Variants in MAP2K5 observed in about 807,000 individuals in gnomAD.
MAP2K5 encodes the protein dual specificity mitogen-activated protein kinase kinase 5.
In MAP2K5, 49 loss-of-function variants were observed where a neutral mutation model predicts 83.1. The observed-to-expected ratio is 0.59, with a 90% CI of 0.47 to 0.75. The LOEUF is 0.75. Among genes scored for constraint, MAP2K5 ranks in the 30% least tolerant of loss-of-function variants. The pLI, the probability that MAP2K5 is intolerant of heterozygous loss-of-function variation, is 0.00. For missense variants in MAP2K5, 457 were observed against 557.5 expected, an observed-to-expected ratio of 0.82 and a Z score of 1.82; for synonymous variants, 202 against 191.8, an observed-to-expected ratio of 1.05 and a Z score of -0.44.
intron 4 of MAP2K5, among the ~76,000 whole-genome samples, chr15:67,582,378 TAATGTTTGC>T (rs2085197813): frequency 6.6e-6 from 1 of 152,182 alleles, no homozygotes. Flanking sequence ...GATTATTTCT[TAATGTTTGC>T]AGTGACTGGA....
Position 67,769,738 on chromosome 15 carries a change from C to T in MAP2K5, c.1196+75C>T. ...CATTAACTCGGCAGCTCCGTGAGAC[C>T]TTATGGCTCTCCCTGCATCCTTTTG... On this transcript the variant is annotated intron_variant, in intron 20 of 21. Transcript: ENST00000178640. The surrounding 1 kb of genome is among the most constrained non-coding windows in gnomAD (Gnocchi z 5.2). 9 of 1,434,984 alleles carry T rather than the reference C, an allele frequency of 6.3e-6. No homozygotes were observed. The highest frequency in any genetic ancestry group is 8.8e-6 in the Non-Finnish European group (9 of 1,022,466). The allele number at this position is 1,434,984 out of a possible 1,614,324, so 88.9% of individuals were successfully genotyped here.
At chr15:67,699,424 T>G (rs1231868440) in intron 15 of MAP2K5, among the ~76,000 whole-genome samples, 1 of 152,056 alleles carries the variant, frequency 6.6e-6, no homozygotes, top group African/African-American at 2.4e-5. Flanking sequence ...CTGCTCCTCT[T>G]CCCCCAGTCC....
At chr15:67,546,797 G>A (rs1283779221) in intron 1 of MAP2K5, among the ~76,000 whole-genome samples, 2 of 152,132 alleles carry the variant, frequency 1.3e-5, no homozygotes, top group African/African-American at 4.8e-5. Context: ...AGGAGTGGTG[G>A]CTTAGGCCTG....
At chr15:67,580,522 A>C (rs1280349841) in intron 3 of MAP2K5, among the ~76,000 whole-genome samples, 1 of 141,896 alleles carries the variant, frequency 7.0e-6, no homozygotes, top group East Asian at 2.6e-4. Context: ...TAAAGTCTTA[A>C]TCAACACTTT....
At chr15:67,622,524 A>G (rs1049209270) in intron 8 of MAP2K5, among the ~76,000 whole-genome samples, 4 of 151,870 alleles carry the variant, frequency 2.6e-5, no homozygotes, top group African/African-American at 4.9e-5. Context: ...AATTAAATGC[A>G]TGTGGATTTT....
intron 19 of MAP2K5, among the ~76,000 whole-genome samples, chr15:67,753,207 A>G (rs2089761515): frequency 6.6e-6 from 1 of 152,254 alleles, no homozygotes; most frequent in African/African-American, 2.4e-5. Context: ...AAAATGGATC[A>G]AAGACTTAAA....
At chr15:67,707,833 T>TA (rs1480817306) in intron 16 of MAP2K5, among the ~76,000 whole-genome samples, 11 of 152,210 alleles carry the variant, frequency 7.2e-5, no homozygotes, top group African/African-American at 2.4e-4. Context: ...TGTAAACACT[T>TA]AAGGAGAGAT....
intron 21 of MAP2K5, among the ~76,000 whole-genome samples, chr15:67,804,937 C>T (rs2090773109): frequency 6.6e-6 from 1 of 152,172 alleles, no homozygotes; most frequent in South Asian, 2.1e-4. Flanking sequence ...CCTTCCTGGG[C>T]CTCTCCTGCT....
At position 67,768,733 on chromosome 15, in the gene MAP2K5, T is replaced by A. The variant is rs2090089082; in HGVS notation, c.1135-869T>A. 6.6e-6 allele frequency among the ~76,000 whole-genome samples: 1 copy of A among 152,236 alleles called. No individual in the cohort carries two copies. The highest frequency in any genetic ancestry group is 1.5e-5 in the Non-Finnish European group (1 of 68,036). ...TTATGTGGCTCTCTTGTTCCAACTG[T>A]AGGTCTAATGAGATGACTGTTAAAG... On this transcript the variant is annotated intron_variant, in intron 19 of 21. Transcript: ENST00000178640. This position sits in a 1 kb window ranked among gnomAD's most constrained non-coding sequence, Gnocchi z 4.0.
chr15:67,643,445 C>T (rs2141113476), intron 9 of MAP2K5, among the ~76,000 whole-genome samples: 1 of 151,712 alleles, frequency 6.6e-6, no homozygotes, highest in Non-Finnish European at 1.5e-5. Context: ...AACCCCAAAG[C>T]AAACTCTTTT....
At chr15:67,672,866 A>G (rs2087579887) in intron 13 of MAP2K5, among the ~76,000 whole-genome samples, 2 of 151,774 alleles carry the variant, frequency 1.3e-5, no homozygotes, top group Non-Finnish European at 1.5e-5. Context: ...ATCCAGTTTC[A>G]GTTTTCTACA....
At chr15:67,728,466 G>T (rs2089151093) in intron 17 of MAP2K5, among the ~76,000 whole-genome samples, 4 of 152,184 alleles carry the variant, frequency 2.6e-5, no homozygotes, top group Admixed American at 2.6e-4. Flanking sequence ...GTCCATTATA[G>T]TAGCATTGCT....
chr15:67,584,710 G>T (rs1453248299), intron 4 of MAP2K5, among the ~76,000 whole-genome samples: 1 of 116,006 alleles, frequency 8.6e-6, no homozygotes, highest in Non-Finnish European at 1.6e-5. Flanking sequence ...ACAGAGTCTC[G>T]CTCTGTCGCC....
chr15:67,624,288 G>A (rs1018673722), intron 8 of MAP2K5, among the ~76,000 whole-genome samples: 2 of 143,084 alleles, frequency 1.4e-5, no homozygotes, highest in African/African-American at 5.2e-5. Flanking sequence ...GCAGTGAGCC[G>A]AGATCGCGCT....
intron 8 of MAP2K5, among the ~76,000 whole-genome samples, chr15:67,622,427 A>G (rs1177693013): frequency 6.6e-6 from 1 of 152,198 alleles, no homozygotes; most frequent in Non-Finnish European, 1.5e-5. Context: ...AAATCCTTAT[A>G]AAGACTTTTA....
In MAP2K5 at chr15:67,764,138, A is replaced by G. The variant is rs2090000108; in HGVS notation, c.1135-5464A>G. ...TAACTTGCCATGCTGGTTTAATCCA[A>G]CCACAGTACAGCTGACCTCAGAATT... On this transcript the variant is annotated intron_variant, in intron 19 of 21. Coordinates refer to ENST00000178640, the MANE Select transcript of MAP2K5 (RefSeq NM_145160.3). The surrounding 1 kb of genome is among the most constrained non-coding windows in gnomAD (Gnocchi z 4.9). 6.6e-6 allele frequency among the ~76,000 whole-genome samples: 1 copy of G among 152,190 alleles called. No homozygotes were observed.
chr15:67,629,062 C>G (rs2086397218), intron 8 of MAP2K5: 1 of 743,064 alleles, frequency 1.3e-6, no homozygotes, highest in Non-Finnish European at 2.5e-6. Flanking sequence ...CAATACTTTG[C>G]CAAACCATGA....
At chr15:67,672,967 G>A (rs2087583068) in intron 13 of MAP2K5, among the ~76,000 whole-genome samples, 1 of 152,116 alleles carries the variant, frequency 6.6e-6, no homozygotes, top group Admixed American at 6.5e-5. Flanking sequence ...AGATCAGATA[G>A]TTGTAGATAT....
rs1162288178 is a variant in MAP2K5, at chr15:67,804,084, G to A, written c.1243-2562G>A. On this transcript the variant is annotated intron_variant, in intron 21 of 21. Transcript: ENST00000178640. ...TCCTGTGACCGTGTGGACCCTGCAG[G>A]CAGAGACGCTGCCAGGCTCTGGGTG... 2.6e-5 allele frequency among the ~76,000 whole-genome samples: 4 copies of A among 152,182 alleles called. No homozygotes were observed. In the East Asian group the frequency reaches 7.7e-4, roughly 29 times the overall value.
Sources: gnomAD v4.1 joint callset for allele counts (sites outside exome capture counted in the v4.1 genomes callset) on GRCh38, gnomAD v4.1.1 for gene constraint, Gnocchi (gnomAD v3.1) non-coding constraint, MANE v1.5 for transcripts, NCBI Gene and HGNC (gene_info 2026-07-23, HGNC 2026-07-21) for gene names.